Variants in IL1RAPL1 observed in about 807,000 individuals in gnomAD.
The protein encoded by IL1RAPL1 is interleukin-1 receptor accessory protein-like 1.
Under a neutral mutation model 48.4 loss-of-function variants are expected in IL1RAPL1, and 3 were observed. That is an observed-to-expected ratio of 0.06 (90% CI 0.03 to 0.16). The LOEUF (loss-of-function observed/expected upper bound fraction) is 0.16. IL1RAPL1 is among the 10% of genes least tolerant of loss of function. The probability of loss-of-function intolerance (pLI) is 1.00; values close to 1 mark genes in which losing one functional copy is unlikely to be tolerated. For synonymous variants in IL1RAPL1, 185 were observed against 187.7 expected (o/e 0.99, Z 0.12); for missense variants, 349 against 530.6 (o/e 0.66, Z 3.36).
At position 29,044,585 on chromosome X, in the gene IL1RAPL1, G is replaced by A. The variant is rs776724679; in HGVS notation, c.83-238353G>A. On this transcript the variant is annotated intron_variant, in intron 2 of 10. Transcript: ENST00000378993. ...TTACAGAGACTCTTCCAGCCAACCC[G>A]TGACATATACACATTAATAATGTTC... Among the ~76,000 whole-genome samples the A allele has an allele frequency of 3.5e-3, 381 of 110,203 alleles. 1 individual carries two copies. The highest frequency in any genetic ancestry group is 0.011 in the African/African-American group (339 of 30,268).
At chrX:29,362,333 A>G (rs1168931859) in intron 3 of IL1RAPL1, among the ~76,000 whole-genome samples, 3 of 112,056 alleles carry the variant, frequency 2.7e-5, no homozygotes, top group Non-Finnish European at 3.8e-5. Context: ...TAGGTGCTCA[A>G]TAAATATTTG....
At chrX:29,911,284 A>G (rs1569201014) in intron 6 of IL1RAPL1, among the ~76,000 whole-genome samples, 1 of 112,044 alleles carries the variant, frequency 8.9e-6, no homozygotes, top group African/African-American at 3.2e-5. Flanking sequence ...CCAGATGTCC[A>G]TAGAGACAGA....
At chrX:29,164,261 C>G (rs1475125002) in intron 2 of IL1RAPL1, among the ~76,000 whole-genome samples, 1 of 111,600 alleles carries the variant, frequency 9.0e-6, no homozygotes, top group Non-Finnish European at 1.9e-5. Context: ...GCTCCTACTG[C>G]AAGATAAGCT....
At chrX:29,122,739 C>T (rs1043370278) in intron 2 of IL1RAPL1, among the ~76,000 whole-genome samples, 2 of 110,349 alleles carry the variant, frequency 1.8e-5, no homozygotes, top group Non-Finnish European at 3.8e-5. Flanking sequence ...CTGCTGATTG[C>T]AGAGCCTCTT....
intron 2 of IL1RAPL1, among the ~76,000 whole-genome samples, chrX:28,802,862 G>C (rs928277984): frequency 9.0e-6 from 1 of 111,503 alleles, no homozygotes. Context: ...AATAAACACA[G>C]AACACAGGGA....
At chrX:29,949,603 A>G (rs1268867387) in intron 9 of IL1RAPL1, among the ~76,000 whole-genome samples, 1 of 112,346 alleles carries the variant, frequency 8.9e-6, no homozygotes, top group African/African-American at 3.2e-5. Flanking sequence ...CAGAATAAGA[A>G]ATAGACTCTT....
At chrX:29,659,564 A>G (rs73454524) in intron 5 of IL1RAPL1, among the ~76,000 whole-genome samples, 3,231 of 111,727 alleles carry the variant, frequency 0.029, 126 homozygotes, top group African/African-American at 0.098. Flanking sequence ...TGTCTTTTTG[A>G]TAATAAATAG....
intron 5 of IL1RAPL1, among the ~76,000 whole-genome samples, chrX:29,420,872 A>G (rs185671775): frequency 1.8e-5 from 2 of 112,135 alleles, no homozygotes; most frequent in African/African-American, 3.2e-5. Context: ...GTCTTTGTAT[A>G]TTCATTGTTC....
chrX:29,313,946 G>A (rs1044697819), intron 3 of IL1RAPL1, among the ~76,000 whole-genome samples: 1 of 112,145 alleles, frequency 8.9e-6, no homozygotes, highest in Admixed American at 9.4e-5. Context: ...AAAAACACAG[G>A]TATTGTAAGA....
chrX:29,152,203 A>T (rs1929480299), intron 2 of IL1RAPL1, among the ~76,000 whole-genome samples: 1 of 111,078 alleles, frequency 9.0e-6, no homozygotes, highest in Non-Finnish European at 1.9e-5. Context: ...CATGAGACCA[A>T]CATGGGATTA....
At chrX:29,188,679 T>C (rs1345672202) in intron 2 of IL1RAPL1, among the ~76,000 whole-genome samples, 3 of 102,752 alleles carry the variant, frequency 2.9e-5, no homozygotes, top group East Asian at 6.3e-4. Context: ...CTCCGCCTCC[T>C]GGGTTCAAGC....
At chrX:29,803,051 GTACATA>G (rs1202067493) in intron 6 of IL1RAPL1, among the ~76,000 whole-genome samples, 30 of 53,746 alleles carry the variant, frequency 5.6e-4, no homozygotes, top group African/African-American at 1.5e-3. Flanking sequence ...ACATATATGT[GTACATA>G]TATATGTATG....
At chrX:29,084,677 CAA>C (rs750095451) in intron 2 of IL1RAPL1, among the ~76,000 whole-genome samples, 82 of 111,805 alleles carry the variant, frequency 7.3e-4, no homozygotes, top group Middle Eastern at 4.6e-3. Flanking sequence ...TTTGGTATTC[CAA>C]AAAAAGTACG....
At chrX:28,727,142 G>A (rs1056415729) in intron 1 of IL1RAPL1, among the ~76,000 whole-genome samples, 6 of 111,101 alleles carry the variant, frequency 5.4e-5, no homozygotes, top group African/African-American at 1.6e-4. Flanking sequence ...CCATTTTCAC[G>A]ATATTGATTC....
intron 6 of IL1RAPL1, among the ~76,000 whole-genome samples, chrX:29,830,540 C>T (rs770191334): frequency 2.6e-4 from 28 of 108,299 alleles, no homozygotes; most frequent in Non-Finnish European, 4.6e-4. Context: ...ACCTCCGCCT[C>T]CTGGGTTCAA....
At chrX:29,825,292 G>C (rs1930710699) in intron 6 of IL1RAPL1, among the ~76,000 whole-genome samples, 1 of 110,841 alleles carries the variant, frequency 9.0e-6, no homozygotes, top group African/African-American at 3.3e-5. Flanking sequence ...GAAATACCTT[G>C]TTGGCAAAAA....
chrX:28,912,153 A>G (rs1222070412), intron 2 of IL1RAPL1, among the ~76,000 whole-genome samples: 6 of 108,963 alleles, frequency 5.5e-5, no homozygotes, highest in African/African-American at 1.7e-4. Context: ...GGATAAGATG[A>G]ATGGTAATGG....
intron 6 of IL1RAPL1, among the ~76,000 whole-genome samples, chrX:29,864,805 C>G (rs1319052057): frequency 1.8e-5 from 2 of 112,107 alleles, no homozygotes; most frequent in Non-Finnish European, 3.8e-5. Context: ...ATAGAGTCGA[C>G]TGTTTTGAGC....
chrX:29,393,177 A>G (rs1933875756), intron 3 of IL1RAPL1, among the ~76,000 whole-genome samples: 1 of 103,273 alleles, frequency 9.7e-6, no homozygotes, highest in African/African-American at 3.5e-5. Context: ...CCAGGCTTGC[A>G]GTCTCGCGAT....
Sources: gnomAD v4.1 joint callset for allele counts (sites outside exome capture counted in the v4.1 genomes callset) on GRCh38, gnomAD v4.1.1 for gene constraint, MANE v1.5 for transcripts, NCBI Gene and HGNC (gene_info 2026-07-23, HGNC 2026-07-21) for gene names.